The following TRIM37 variants were observed in gnomAD, a reference collection of about 807,000 sequenced individuals.
TRIM37 encodes the protein tripartite motif containing 37, also known as E3 ubiquitin-protein ligase TRIM37.
Under a neutral mutation model 129.8 loss-of-function variants are expected in TRIM37, and 80 were observed. That is an observed-to-expected ratio of 0.62 (90% CI 0.51 to 0.74). The LOEUF (loss-of-function observed/expected upper bound fraction) is 0.74. Ranked by LOEUF, TRIM37 falls within the 30% of genes least tolerant of loss-of-function variation. The pLI is 0.00. For synonymous variants in TRIM37, 389 were observed against 387.1 expected (o/e 1.00, Z -0.06); for missense variants, 1,054 against 1,176.5 (o/e 0.90, Z 1.52).
intron 8 of TRIM37, among the ~76,000 whole-genome samples, chr17:59,072,881 A>G (rs1172388778): frequency 2.0e-5 from 3 of 152,192 alleles, no homozygotes; most frequent in African/African-American, 7.2e-5. Context: ...ACAGCAGAAA[A>G]CAACAAACAG....
chr17:59,088,428 C>T (rs767828541), intron 3 of TRIM37, 21 bp from the exon 4 acceptor site: 18 of 1,305,436 alleles, frequency 1.4e-5, no homozygotes, highest in Non-Finnish European at 2.0e-5. Context: ...AATCCATACA[C>T]ATACACTAAT....
chr17:59,049,921 A>G (rs1043802538), intron 14 of TRIM37, among the ~76,000 whole-genome samples: 1 of 152,218 alleles, frequency 6.6e-6, no homozygotes, highest in Non-Finnish European at 1.5e-5. Context: ...TAAGCTAAAC[A>G]TACAATTAGC....
chr17:58,994,587 C>T (rs2144235090), downstream of TRIM37, among the ~76,000 whole-genome samples: 1 of 152,126 alleles, frequency 6.6e-6, no homozygotes, highest in Admixed American at 6.5e-5. Flanking sequence ...TCTCAAAACC[C>T]AAAACAAAGT....
chr17:58,982,871 C>G (rs1185945526), exon 25 of TRIM37: 9 of 1,557,584 alleles, frequency 5.8e-6, no homozygotes, highest in Non-Finnish European at 7.9e-6. Context: ...CCTTCTGAAG[C>G]CTAGATCTTG....
At chr17:59,104,596 T>C in intron 1 of TRIM37, 1 of 722,288 alleles carries the variant, frequency 1.4e-6, no homozygotes, top group Non-Finnish European at 2.5e-6. Context: ...TTCACGATGA[T>C]TCTATTCTAA....
intron 24 of TRIM37, among the ~76,000 whole-genome samples, chr17:58,987,435 G>T (rs1278590625): frequency 6.6e-6 from 1 of 152,190 alleles, no homozygotes. Context: ...ACTCTGGCCC[G>T]CAGGGTCTGC....
At chr17:59,012,749 C>T (rs1392678924) in intron 21 of TRIM37, among the ~76,000 whole-genome samples, 2 of 151,830 alleles carry the variant, frequency 1.3e-5, no homozygotes, top group Non-Finnish European at 2.9e-5. Flanking sequence ...TGGTGGTGGG[C>T]GCCTGTAATC....
Position 58,988,355 on chromosome 17 carries a change from TTACCA to T in TRIM37, c.2892-5439_2892-5435del, listed in dbSNP as rs2032017901. Among the ~76,000 whole-genome samples, 4 of 152,022 alleles carry T rather than the reference TTACCA, an allele frequency of 2.6e-5. No individual in the cohort carries two copies. In the South Asian group the frequency reaches 8.3e-4, roughly 32 times the overall value. ...CGGCCTTGGGCATGGGTAAAGGAAC[TTACCA>T]TACCCTTTCTCTCATCTCACAGAAC... is the stretch of plus-strand genomic sequence containing the variant. On this transcript the variant is annotated intron_variant, in intron 24 of 24. Transcript: ENST00000393066.
At position 59,047,773 on chromosome 17, in the gene TRIM37, T is replaced by A; in HGVS notation, c.1577A>T (p.Asp526Val). The A allele has an allele frequency of 1.2e-6, 2 of 1,614,106 alleles. No individual in the cohort carries two copies. The highest frequency in any genetic ancestry group is 1.7e-6 in the Non-Finnish European group (2 of 1,180,034). Reference protein sequence around the residue: ...GDLDLDLVYEDEVNQLDGSSS... With the variant: ...GDLDLDLVYEVEVNQLDGSSS... ...GCTGCCATCGAGCTGATTTACTTCATCCTCATAAACAAGATCCAGATCCAG... is the reference window on the plus strand; with the variant it reads ...GCTGCCATCGAGCTGATTTACTTCAACCTCATAAACAAGATCCAGATCCAG... The change falls in exon 16 of 24, where the codon GAT becomes GTT. Residue 526 changes from aspartate (D) to valine (V), a missense_variant. Around this residue, in one of 3 missense-constraint regions of TRIM37, gnomAD observed 752 missense variants for 870.8 expected, o/e 0.86. Transcript: ENST00000262294.
intron 19 of TRIM37, among the ~76,000 whole-genome samples, chr17:59,025,447 A>G (rs779859306): frequency 2.6e-5 from 4 of 151,376 alleles, no homozygotes; most frequent in African/African-American, 2.4e-5. Flanking sequence ...ATATTCATGG[A>G]TGAATATTAT....
chr17:59,018,271 C>T (rs866243628), intron 19 of TRIM37, among the ~76,000 whole-genome samples: 5 of 151,818 alleles, frequency 3.3e-5, no homozygotes, highest in African/African-American at 1.2e-4. Context: ...AAGGCAGGGC[C>T]CTGCCCTTGA....
chr17:59,028,077 G>A (rs1292656964), intron 19 of TRIM37, among the ~76,000 whole-genome samples: 2 of 152,022 alleles, frequency 1.3e-5, no homozygotes, highest in Non-Finnish European at 2.9e-5. Context: ...CCACTCCTCG[G>A]TTGTTTCCTT....
chr17:58,987,592 A>C (rs576156742), intron 24 of TRIM37, among the ~76,000 whole-genome samples: 1 of 152,358 alleles, frequency 6.6e-6, no homozygotes, highest in Admixed American at 6.5e-5. Flanking sequence ...GCAGAGTTCT[A>C]AAACTTCTAT....
chr17:59,063,163 T>C (rs550088759), intron 10 of TRIM37, among the ~76,000 whole-genome samples: 1 of 151,310 alleles, frequency 6.6e-6, no homozygotes, highest in African/African-American at 2.4e-5. Flanking sequence ...ATAAATTCTG[T>C]GTGGCTTTTT....
At chr17:59,017,922 C>T (rs750700949) in intron 19 of TRIM37, among the ~76,000 whole-genome samples, 3 of 152,040 alleles carry the variant, frequency 2.0e-5, no homozygotes, top group Non-Finnish European at 2.9e-5. Flanking sequence ...CACCGCACAC[C>T]GCCCGTAAAA....
Position 59,106,581 on chromosome 17 carries a change from G to A in TRIM37, c.-120C>T. ...TAAAAGCCCGGCGCCCACGTCAGGG[G>A]GCTCTGACAACCGCCCCACCTGCGC... On this transcript the variant is annotated 5_prime_UTR_variant, in exon 1 of 24. Transcript: ENST00000262294. The A allele has an allele frequency of 8.0e-7, 1 of 1,252,730 alleles. No individual in the cohort carries two copies. Among genetic ancestry groups the A allele is most frequent in the South Asian group, 1.3e-5 (1 of 78,702 alleles). 77.6% of individuals were successfully genotyped at this position (1,252,730 alleles called of 1,614,324 possible). A position where few individuals can be genotyped will look rare whatever the true frequency, so the allele number is the denominator to read the frequency against.
intron 22 of TRIM37, among the ~76,000 whole-genome samples, chr17:59,005,077 T>C (rs937264345): frequency 6.6e-6 from 1 of 152,170 alleles, no homozygotes; most frequent in Non-Finnish European, 1.5e-5. Context: ...TGGCCCTTCA[T>C]GGAACTGTTG....
chr17:59,042,819 T>C (rs543138182), intron 16 of TRIM37, among the ~76,000 whole-genome samples: 15 of 151,480 alleles, frequency 9.9e-5, no homozygotes, highest in Non-Finnish European at 2.2e-4. Flanking sequence ...AAAAAAGAAC[T>C]GTGTCAGGCA....
chr17:58,998,954 C>T lies in TRIM37; in HGVS notation c.*423G>A, dbSNP rs1374330543. 9.7e-7 allele frequency: 1 copy of T among 1,030,758 alleles called. No individual in the cohort carries two copies. The highest frequency in any genetic ancestry group is 1.2e-6 in the Non-Finnish European group (1 of 856,846). 63.9% of individuals were successfully genotyped at this position (1,030,758 alleles called of 1,614,324 possible). A position where few individuals can be genotyped will look rare whatever the true frequency, so the allele number is the denominator to read the frequency against. On this transcript the variant is annotated 3_prime_UTR_variant, in exon 24 of 24. Coordinates refer to ENST00000262294, the MANE Select transcript of TRIM37 (RefSeq NM_015294.6). ...ACTAATGGAACTGTAATTAAAACCC[C>T]AAATATAAAGATGATTATTTAAACA... is the stretch of plus-strand genomic sequence containing the variant.
Sources: allele counts gnomAD v4.1 joint callset (sites outside exome capture counted in the v4.1 genomes callset), GRCh38; gene constraint gnomAD v4.1.1; regional missense constraint gnomAD v4.1.1; transcripts MANE v1.5; gene names NCBI Gene and HGNC (gene_info 2026-07-23, HGNC 2026-07-21).